Variants in RHOA observed in about 807,000 individuals in gnomAD.
RHOA encodes the protein ras homolog family member A.
RHOA carries 3 observed loss-of-function variants against 17.5 expected under a neutral mutation model. The observed-to-expected ratio is 0.17, with a 90% CI of 0.08 to 0.44. The LOEUF (loss-of-function observed/expected upper bound fraction) is 0.44, where lower values mean the gene tolerates loss of function less well. Ranked by LOEUF, RHOA falls within the 20% of genes least tolerant of loss-of-function variation. The pLI is 0.99. For missense variants in RHOA, 56 were observed against 242.3 expected (o/e 0.23, Z 5.10); for synonymous variants, 98 against 88.4 (o/e 1.11, Z -0.61).
At chr3:49,387,724 G>A (rs1399087937) in intron 1 of RHOA, among the ~76,000 whole-genome samples, 2 of 148,682 alleles carry the variant, frequency 1.3e-5, no homozygotes, top group Non-Finnish European at 3.0e-5. Flanking sequence ...GGGGGACAGA[G>A]CGAGACTCCA....
chr3:49,375,918 G>A (rs957212823), intron 1 of RHOA, among the ~76,000 whole-genome samples: 11 of 151,926 alleles, frequency 7.2e-5, no homozygotes, highest in African/African-American at 2.7e-4. Context: ...CCCAATCTCA[G>A]TTCACTGCAA....
At chr3:49,369,006 C>CTTTTTTTTTTTTTTTT (rs1160140765) in intron 2 of RHOA, among the ~76,000 whole-genome samples, 1 of 59,706 alleles carries the variant, frequency 1.7e-5, no homozygotes, top group African/African-American at 7.7e-5. Context: ...CGCGCCTGGC[C>CTTTTTTTTTTTTTTTT]TTTTTTTTTT....
At chr3:49,395,050 C>T (rs1009428105) in intron 1 of RHOA, among the ~76,000 whole-genome samples, 1 of 151,534 alleles carries the variant, frequency 6.6e-6, no homozygotes, top group Admixed American at 6.6e-5. Flanking sequence ...GAGATCGAGA[C>T]CATCTTGGCT....
intron 1 of RHOA, among the ~76,000 whole-genome samples, chr3:49,407,216 T>C (rs1276859679): frequency 2.7e-5 from 4 of 150,050 alleles, no homozygotes; most frequent in African/African-American, 9.8e-5. Flanking sequence ...GAAATTAATA[T>C]TATGAAATCC....
intron 1 of RHOA, among the ~76,000 whole-genome samples, chr3:49,399,136 G>C (rs190230674): frequency 3.4e-5 from 5 of 148,550 alleles, no homozygotes; most frequent in East Asian, 2.0e-4. Flanking sequence ...CTGGGAGGCC[G>C]AGGCAGGCAG....
chr3:49,401,109 T>C (rs1321529713), intron 1 of RHOA, among the ~76,000 whole-genome samples: 2 of 148,698 alleles, frequency 1.3e-5, no homozygotes, highest in African/African-American at 4.9e-5. Flanking sequence ...AAGCCCAAAT[T>C]ACTAATATTA....
chr3:49,368,109 A>C (rs1334222576), intron 3 of RHOA, among the ~76,000 whole-genome samples: 1 of 151,758 alleles, frequency 6.6e-6, no homozygotes, highest in Admixed American at 6.6e-5. Flanking sequence ...ACGGGGTTTC[A>C]CCATGTTGGC....
intron 1 of RHOA, among the ~76,000 whole-genome samples, chr3:49,393,341 C>T (rs956093435): frequency 6.6e-6 from 1 of 151,938 alleles, no homozygotes. Context: ...GGGTCTGCCT[C>T]TGTCACCCAG....
intron 1 of RHOA, among the ~76,000 whole-genome samples, chr3:49,402,500 G>A (rs535075314): frequency 1.8e-4 from 28 of 151,492 alleles, no homozygotes; most frequent in Non-Finnish European, 3.7e-4. Context: ...ATGGCAAAAC[G>A]TCATCTCTAT....
intron 1 of RHOA, among the ~76,000 whole-genome samples, chr3:49,402,952 G>C (rs577270900): frequency 4.6e-5 from 7 of 150,694 alleles, no homozygotes; most frequent in African/African-American, 1.5e-4. Context: ...CAGAAGAATC[G>C]CTTGAACCCG....
At chr3:49,387,775 T>C (rs1363773241) in intron 1 of RHOA, among the ~76,000 whole-genome samples, 2 of 151,840 alleles carry the variant, frequency 1.3e-5, no homozygotes, top group East Asian at 3.9e-4. Flanking sequence ...CCCTATTATG[T>C]TTGTTTTCTA....
At chr3:49,364,155 G>A (rs1215959328) in intron 3 of RHOA, among the ~76,000 whole-genome samples, 2 of 151,986 alleles carry the variant, frequency 1.3e-5, no homozygotes, top group African/African-American at 4.8e-5. Flanking sequence ...TTCGAGACCA[G>A]TCTGGCCAAC....
chr3:49,401,041 C>CAAAAGAAAA (rs2048715973), intron 1 of RHOA, among the ~76,000 whole-genome samples: 1 of 67,584 alleles, frequency 1.5e-5, no homozygotes, highest in Non-Finnish European at 2.6e-5. Context: ...GACTCCGTCT[C>CAAAAGAAAA]AAAAAAAAAA....
intron 1 of RHOA, among the ~76,000 whole-genome samples, chr3:49,408,846 A>G (rs2048883513): frequency 6.6e-6 from 1 of 150,720 alleles, no homozygotes; most frequent in African/African-American, 2.4e-5. Flanking sequence ...TGGCTGGAGC[A>G]CAGTGGCGCG....
chr3:49,384,277 T>TGCA (rs1209215290), intron 1 of RHOA, among the ~76,000 whole-genome samples: 3 of 152,178 alleles, frequency 2.0e-5, no homozygotes, highest in Admixed American at 2.0e-4. Context: ...GGAGAAATTT[T>TGCA]GCAGAATTAT....
intron 1 of RHOA, among the ~76,000 whole-genome samples, chr3:49,406,511 C>G (rs531270323): frequency 3.3e-5 from 5 of 152,286 alleles, no homozygotes; most frequent in Admixed American, 2.6e-4. Flanking sequence ...GGGTAGCTCA[C>G]GCCCGTAATC....
At chr3:49,368,920 G>A (rs1466604047) in intron 2 of RHOA, among the ~76,000 whole-genome samples, 2 of 148,326 alleles carry the variant, frequency 1.3e-5, no homozygotes, top group East Asian at 4.0e-4. Context: ...TGTTAGCCAG[G>A]ATGGTCTGGA....
intron 1 of RHOA, among the ~76,000 whole-genome samples, chr3:49,410,241 TG>T (rs2048909522): frequency 6.6e-6 from 1 of 152,234 alleles, no homozygotes; most frequent in African/African-American, 2.4e-5. Flanking sequence ...CAGACAGTTC[TG>T]GTCTGCTCCT....
Position 49,361,983 on chromosome 3 carries a change from T to A in RHOA, c.408+513A>T, listed in dbSNP as rs557503154. Among the ~76,000 whole-genome samples the A allele has an allele frequency of 1.1e-3, 171 of 149,598 alleles. 4 individuals are homozygous for A. The South Asian group carries it at 0.034, about 29-fold the overall frequency. ...TGGGCAGATCACTTGAGGTAAGGAGTTCAAGACCAGCCTGGCCAACAGGGT... is the reference window on the plus strand; with the variant it reads ...TGGGCAGATCACTTGAGGTAAGGAGATCAAGACCAGCCTGGCCAACAGGGT... On this transcript the variant is annotated intron_variant, in intron 4 of 4. Transcript: ENST00000418115.
Sources: gnomAD v4.1 joint callset for allele counts (sites outside exome capture counted in the v4.1 genomes callset) on GRCh38, gnomAD v4.1.1 for gene constraint, MANE v1.5 for transcripts, NCBI Gene and HGNC (gene_info 2026-07-23, HGNC 2026-07-21) for gene names.